PHF20: variants seen among roughly 807,000 people sequenced by gnomAD.
The protein encoded by PHF20 is glioma-expressed antigen 2.
A neutral mutation model predicts 113.5 loss-of-function variants in PHF20; 23 were observed. The ratio of observed to expected loss-of-function variants is 0.20; its 90% CI spans 0.15 to 0.29. The LOEUF (loss-of-function observed/expected upper bound fraction) is 0.29. PHF20 is among the 10% of genes least tolerant of loss of function. The pLI, the probability that PHF20 is intolerant of heterozygous loss-of-function variation, is 1.00. For missense variants in PHF20, 943 were observed against 1,219.6 expected (o/e 0.77, Z 3.38); for synonymous variants, 434 against 457.3 (o/e 0.95, Z 0.65).
At chr20:35,826,871 ATAAAT>A (rs2146911782) in intron 2 of PHF20, among the ~76,000 whole-genome samples, 1 of 152,300 alleles carries the variant, frequency 6.6e-6, no homozygotes, top group African/African-American at 2.4e-5. Context: ...GAGAGGAAAG[ATAAAT>A]TTAAGACCTT....
At position 35,871,731 on chromosome 20, in the gene PHF20, C is replaced by T; in HGVS notation, c.1184C>T (p.Ala395Val). The T allele has an allele frequency of 1.2e-6, 2 of 1,613,950 alleles. No individual in the cohort carries two copies. The highest frequency in any genetic ancestry group is 8.5e-7 in the Non-Finnish European group (1 of 1,179,870). Residue 395 changes from alanine to valine, a missense_variant, in exon 9 of 18, where the codon GCA becomes GTA. Physicochemically the swap from Ala to Val is moderately conservative, Grantham distance 64 (BLOSUM62 0). Transcript: ENST00000374012. ...TCCTTTGGGGATGGATCCGGGGCTG[C>T]AGGCTTGGAGTTGAACTGCCCATCA... ...CHSFGDGSGA[A>V]GLELNCPSMG...
intron 1 of PHF20, among the ~76,000 whole-genome samples, chr20:35,799,841 ATTTT>A (rs2041744216): frequency 6.6e-6 from 1 of 151,924 alleles, no homozygotes; most frequent in South Asian, 2.1e-4. Flanking sequence ...CTAATTTTGT[ATTTT>A]TAGTAGAGAT....
chr20:35,781,057 T>A (rs1230321102), intron 1 of PHF20, among the ~76,000 whole-genome samples: 1 of 151,876 alleles, frequency 6.6e-6, no homozygotes, highest in African/African-American at 2.4e-5. Context: ...TTTACCATGT[T>A]GGTCAGTCTG....
At chr20:35,922,183 G>A (rs1172566936) in intron 13 of PHF20, among the ~76,000 whole-genome samples, 6 of 152,186 alleles carry the variant, frequency 3.9e-5, no homozygotes, top group Non-Finnish European at 8.8e-5. Flanking sequence ...TTTTGTTCCA[G>A]AGGACTTTTC....
At chr20:35,899,287 C>T in intron 9 of PHF20, 83 bp from the exon 10 acceptor site, 1 of 1,147,068 alleles carries the variant, frequency 8.7e-7, no homozygotes, top group Non-Finnish European at 1.2e-6. Flanking sequence ...GTCTTTCACC[C>T]TCAGTTGTCA....
chr20:35,815,199 G>A (rs746827050), intron 2 of PHF20, among the ~76,000 whole-genome samples: 8 of 151,838 alleles, frequency 5.3e-5, no homozygotes, highest in East Asian at 3.9e-4. Flanking sequence ...TCTGTCCCCC[G>A]AAAAATTATA....
At chr20:35,814,596 G>A (rs1485938249) in intron 2 of PHF20, among the ~76,000 whole-genome samples, 2 of 150,552 alleles carry the variant, frequency 1.3e-5, no homozygotes, top group Non-Finnish European at 1.5e-5. Flanking sequence ...TAAATAGGCC[G>A]GGCGCGGTGG....
chr20:35,862,954 C>T, intron 5 of PHF20, 59 bp from the exon 6 acceptor site: 2 of 1,474,962 alleles, frequency 1.4e-6, no homozygotes, highest in South Asian at 2.8e-5. Context: ...GTAAGAAACT[C>T]CTAATTTTGT....
chr20:35,786,273 C>T (rs1476939101), intron 1 of PHF20, among the ~76,000 whole-genome samples: 2 of 151,804 alleles, frequency 1.3e-5, no homozygotes, highest in African/African-American at 2.4e-5. Context: ...TGCCTGTAAT[C>T]GCAGCTACTC....
At chr20:35,785,896 G>A (rs1362981667) in intron 1 of PHF20, among the ~76,000 whole-genome samples, 4 of 151,278 alleles carry the variant, frequency 2.6e-5, no homozygotes, top group Non-Finnish European at 4.4e-5. Flanking sequence ...GCTGGGCATG[G>A]TTGCAGGTGC....
intron 14 of PHF20, 83 bp downstream of exon 14, chr20:35,927,962 C>G: frequency 6.3e-6 from 6 of 956,880 alleles, no homozygotes; most frequent in Non-Finnish European, 1.0e-5. Flanking sequence ...TAAATGTCTG[C>G]GGTCTTGAGA....
intron 13 of PHF20, among the ~76,000 whole-genome samples, chr20:35,919,790 C>T (rs547188935): frequency 4.6e-5 from 7 of 152,170 alleles, no homozygotes; most frequent in Non-Finnish European, 7.4e-5. Context: ...TTTATTTTCC[C>T]AGGGCTTTTA....
rs375246652 is a variant in PHF20 at position 35,939,004 on chromosome 20, C to A, written c.2608C>A (p.Pro870Thr). 1.2e-6 allele frequency: 2 copies of A among 1,614,174 alleles called. No homozygotes were observed. The highest frequency in any genetic ancestry group is 2.2e-5 in the South Asian group (2 of 91,092). ...CTCTGCCCTCGACGATGCGGTCAAC[C>A]CCCTCCATGAGAACGGCGATGATTC... ...RGSALDDAVNPLHENGDDSLS... is the reference protein window; with the variant it reads ...RGSALDDAVNTLHENGDDSLS... Residue 870 changes from proline (P) to threonine (T), a missense_variant, in exon 16 of 18, where the codon CCC becomes ACC. By Grantham distance (38) the Pro-to-Thr change is conservative. This residue lies in a region of PHF20 where 349 missense variants were observed against 412.3 expected (regional missense o/e 0.85). Coordinates refer to ENST00000374012, the MANE Select transcript of PHF20 (RefSeq NM_016436.5).
chr20:35,851,817 A>G (rs938905688), intron 4 of PHF20, among the ~76,000 whole-genome samples: 1 of 151,996 alleles, frequency 6.6e-6, no homozygotes, highest in African/African-American at 2.4e-5. Flanking sequence ...CGGGAGGCTG[A>G]GACAGAAGAA....
intron 2 of PHF20, among the ~76,000 whole-genome samples, chr20:35,821,809 G>C (rs1010356267): frequency 6.6e-6 from 1 of 152,180 alleles, no homozygotes; most frequent in Non-Finnish European, 1.5e-5. Flanking sequence ...GATGAGAAGT[G>C]ATCAGCGTCT....
At position 35,949,065 on chromosome 20, in the gene PHF20, G is replaced by A. The variant is rs1263921819; in HGVS notation, c.*1438G>A. The A allele has an allele frequency of 6.5e-6, 1 of 152,676 alleles. No individual in the cohort carries two copies. The highest frequency in any genetic ancestry group is 1.5e-5 in the Non-Finnish European group (1 of 68,050). The allele number at this position is 152,676 out of a possible 1,614,324, so 9.5% of individuals were successfully genotyped here. Reference sequence around the variant, plus strand: ...TGTACTAAAATCTATTTCAGGGAATGTTCTGTCTAGTGATTTGCTCACCAT... The same window carrying A: ...TGTACTAAAATCTATTTCAGGGAATATTCTGTCTAGTGATTTGCTCACCAT... On this transcript the variant is annotated 3_prime_UTR_variant, in exon 18 of 18. Transcript: ENST00000374012.
In PHF20 at chr20:35,948,102, T is replaced by G. The variant is rs2056119205; in HGVS notation, c.*475T>G. 6.0e-6 allele frequency: 1 copy of G among 165,844 alleles called. No homozygotes were observed. The highest frequency in any genetic ancestry group is 5.7e-5 in the Admixed American group (1 of 17,642). The allele number at this position is 165,844 out of a possible 1,614,324, so 10.3% of individuals were successfully genotyped here. A position where few individuals can be genotyped will look rare whatever the true frequency, so the allele number is the denominator to read the frequency against. On this transcript the variant is annotated 3_prime_UTR_variant, in exon 18 of 18. Coordinates refer to ENST00000374012, the MANE Select transcript of PHF20 (RefSeq NM_016436.5). Reference sequence around the variant, plus strand: ...TCCTTTTCTAGCTTCATAGGAATATTGTGAGCTCACCATGCTGTGGAGGTT... The same window carrying G: ...TCCTTTTCTAGCTTCATAGGAATATGGTGAGCTCACCATGCTGTGGAGGTT...
Position 35,846,846 on chromosome 20 carries a change from T to A in PHF20, c.256-504T>A, listed in dbSNP as rs1206557884. Among the ~76,000 whole-genome samples, 5 of 152,164 alleles carry A rather than the reference T, an allele frequency of 3.3e-5. No individual in the cohort carries two copies. In the East Asian group the frequency reaches 9.6e-4, roughly 29 times the overall value. ...TAGGTAATTTATAAAGAAAAGAGGT[T>A]TGTTTAGCTCACAATTCTGCAGGCT... On this transcript the variant is annotated intron_variant, in intron 3 of 17. Transcript: ENST00000374012.
intron 4 of PHF20, among the ~76,000 whole-genome samples, chr20:35,851,621 G>A (rs543250125): frequency 2.1e-5 from 3 of 142,448 alleles, no homozygotes; most frequent in South Asian, 2.6e-4. Flanking sequence ...AGCCTTTAAC[G>A]ATGTCAATGT....
Sources: allele counts gnomAD v4.1 joint callset (sites outside exome capture counted in the v4.1 genomes callset), GRCh38; gene constraint gnomAD v4.1.1; regional missense constraint gnomAD v4.1.1; transcripts MANE v1.5; gene names NCBI Gene and HGNC (gene_info 2026-07-23, HGNC 2026-07-21).